The following VPS72 variants were observed in gnomAD, a reference collection of about 807,000 sequenced individuals.
The protein encoded by VPS72 is vacuolar protein sorting-associated protein 72 homolog.
VPS72 carries 27 observed loss-of-function variants against 38.9 expected under a neutral mutation model. The observed-to-expected ratio is 0.69, with a 90% CI of 0.51 to 0.96. The LOEUF (loss-of-function observed/expected upper bound fraction) is 0.96, where lower values mean the gene tolerates loss of function less well. VPS72 is among the 40% of genes least tolerant of loss of function. VPS72 has a pLI of 0.00. For missense variants in VPS72, 360 were observed against 479.5 expected (o/e 0.75, Z 2.33); for synonymous variants, 173 against 186.3 (o/e 0.93, Z 0.58).
rs907898877 is a variant in VPS72, at chr1:151,178,085, G to A, written c.623C>T (p.Pro208Leu). 2 of 1,614,010 alleles carry A rather than the reference G, an allele frequency of 1.2e-6. No homozygotes were observed. The highest frequency in any genetic ancestry group is 1.3e-5 in the African/African-American group (1 of 74,916). Reference protein sequence around the residue: ...KKQVHKKRKCPGPIITYHSVT... With the variant: ...KKQVHKKRKCLGPIITYHSVT... ...TGAATGATAGGTGATTATGGGCCCG[G>A]GGCACTTCCGCTTCTTATGAACCTG... Residue 208 changes from proline to leucine, a missense_variant, in exon 5 of 6, where the codon CCC (proline) becomes CTC (leucine). By Grantham distance (98) the Pro-to-Leu change is moderately conservative. Coordinates refer to ENST00000368892, the MANE Select transcript of VPS72 (RefSeq NM_005997.3).
intron 4 of VPS72, among the ~76,000 whole-genome samples, chr1:151,180,635 A>G (rs1684218753): frequency 1.3e-5 from 2 of 152,024 alleles, no homozygotes; most frequent in Non-Finnish European, 2.9e-5. Flanking sequence ...ACGGGGTTTC[A>G]CCATGTTGAC....
At chr1:151,182,302 T>C (rs1000730423) in intron 4 of VPS72, among the ~76,000 whole-genome samples, 16 of 152,198 alleles carry the variant, frequency 1.1e-4, no homozygotes, top group Admixed American at 8.5e-4. Context: ...GTGCTGGGAT[T>C]ACAGGTGTGA....
Position 151,178,005 on chromosome 1 carries a change from C to T in VPS72, c.703G>A (p.Glu235Lys), listed in dbSNP as rs777509202. Residue 235 changes from glutamate to lysine, a missense_variant, in exon 5 of 6, where the codon GAA becomes AAA. By Grantham distance (56) the Glu-to-Lys change is moderately conservative. This residue lies in a region of VPS72 where 294 missense variants were observed against 356.3 expected (regional missense o/e 0.83). Transcript: ENST00000368892. ...TTCCTCTTGAGATTCACTCACCCTTCTATGTCAACGTTCTCTTCCTTGGGG... is the reference window on the plus strand; with the variant it reads ...TTCCTCTTGAGATTCACTCACCCTTTTATGTCAACGTTCTCTTCCTTGGGG... The part of the protein sequence containing the change: ...PGPKEENVDI[E>K]GLDPAPSVSA... 6.2e-7 allele frequency: 1 copy of T among 1,613,926 alleles called. No homozygotes were observed. Among genetic ancestry groups the T allele is most frequent in the South Asian group, 1.1e-5 (1 of 91,036 alleles).
At chr1:151,188,354 T>C (rs1452833068) in intron 1 of VPS72, among the ~76,000 whole-genome samples, 1 of 152,212 alleles carries the variant, frequency 6.6e-6, no homozygotes, top group Non-Finnish European at 1.5e-5. Context: ...CTGTGGGTTC[T>C]ATTCCTTAAT....
At position 151,183,334 on chromosome 1, in the gene VPS72, G is replaced by A. The variant is rs587767456; in HGVS notation, c.562+983C>T. Reference sequence around the variant, plus strand: ...AGCTACTTGGGAGGCTGAGGCAAGAGAATCTCCAGCTCAGGAGGCGGAGCT... The same window carrying A: ...AGCTACTTGGGAGGCTGAGGCAAGAAAATCTCCAGCTCAGGAGGCGGAGCT... On this transcript the variant is annotated intron_variant, in intron 4 of 5. Transcript: ENST00000368892. Among the ~76,000 whole-genome samples the A allele has an allele frequency of 4.5e-5, 6 of 133,228 alleles. No homozygotes were observed. The South Asian group carries it at 1.5e-3, about 34-fold the overall frequency. The allele number at this position is 133,228 out of a possible 152,430, so 87.4% of individuals were successfully genotyped here.
chr1:151,176,934 T>A lies in VPS72; in HGVS notation c.805A>T (p.Ser269Cys), dbSNP rs1572088987. 6.2e-7 allele frequency: 1 copy of A among 1,613,516 alleles called. No individual in the cohort carries two copies. Among genetic ancestry groups the A allele is most frequent in the Non-Finnish European group, 8.5e-7 (1 of 1,179,658 alleles). The stretch of plus-strand genomic sequence containing the variant: ...CATTCCTCGAAAGTTGCATCATCAC[T>A]AAAAGTGATGAAGGTACGTGAGCAG... The part of the protein sequence containing the change: ...ARCSRTFITF[S>C]DDATFEEWFP... Residue 269 changes from serine to cysteine, a missense_variant, in exon 6 of 6, where the codon AGT becomes TGT. Coordinates refer to ENST00000368892, the MANE Select transcript of VPS72 (RefSeq NM_005997.3).
intron 4 of VPS72, among the ~76,000 whole-genome samples, chr1:151,179,477 T>C (rs1346846700): frequency 3.3e-5 from 5 of 152,080 alleles, no homozygotes; most frequent in African/African-American, 1.2e-4. Context: ...TGAGCACCTG[T>C]AGTCCCAGCT....
rs587658930 is a variant in VPS72, at chr1:151,179,545, G to T, written c.563-1400C>A. ...ACCCAGGAGGCAGAGCTTGCAGTGA[G>T]CTGAGATCGCGCCACTGCACTCCAG... On this transcript the variant is annotated intron_variant, in intron 4 of 5. Transcript: ENST00000368892. 3.9e-5 allele frequency among the ~76,000 whole-genome samples: 6 copies of T among 152,220 alleles called. No homozygotes were observed. The South Asian group carries it at 1.0e-3, about 26-fold the overall frequency.
chr1:151,183,549 C>T (rs1372296183), intron 4 of VPS72, among the ~76,000 whole-genome samples: 3 of 150,760 alleles, frequency 2.0e-5, no homozygotes, highest in Non-Finnish European at 4.4e-5. Flanking sequence ...GCAACTTCCA[C>T]CTCCCAGGTT....
Position 151,185,653 on chromosome 1 carries a change from C to T in VPS72, c.271-33G>A, listed in dbSNP as rs587626728. On this transcript the variant is annotated intron_variant, in intron 2 of 5. Coordinates refer to ENST00000368892, the MANE Select transcript of VPS72 (RefSeq NM_005997.3). ...CAGATTGGAATCAGATACTGGGGAACAGAAGAAGTCAGGAGAAATATGAGG... is the reference window on the plus strand; with the variant it reads ...CAGATTGGAATCAGATACTGGGGAATAGAAGAAGTCAGGAGAAATATGAGG... 1.7e-5 allele frequency: 28 copies of T among 1,611,856 alleles called. No homozygotes were observed. The East Asian group carries it at 5.8e-4, about 33-fold the overall frequency.
chr1:151,176,695 G>C lies in VPS72; in HGVS notation c.1044C>G (p.Pro348=), dbSNP rs752603160. 6.2e-7 allele frequency: 1 copy of C among 1,614,152 alleles called. No homozygotes were observed. The highest frequency in any genetic ancestry group is 8.5e-7 in the Non-Finnish European group (1 of 1,180,022). The change falls in exon 6 of 6, where the codon CCC becomes CCG. Residue 348 remains proline, a synonymous_variant. Transcript: ENST00000368892. ...AGGCTCGGGGCCCAGAGCCAGGGAGGGGCTCAGGAGGTGGCGGGCCGGGGC... is the reference window on the plus strand; with the variant it reads ...AGGCTCGGGGCCCAGAGCCAGGGAGCGGCTCAGGAGGTGGCGGGCCGGGGC... ...ALGPGPPPPE[P]LPGSGPRALR...
At chr1:151,183,421 CAAAAAAAAAAAA>C (rs769884773) in intron 4 of VPS72, among the ~76,000 whole-genome samples, 3 of 50,860 alleles carry the variant, frequency 5.9e-5, no homozygotes, top group Non-Finnish European at 6.9e-5. Flanking sequence ...GACTCTGTCT[CAAAAAAAAAAAA>C]AAAAAAAAAA....
intron 5 of VPS72, 145 bp downstream of exon 5, chr1:151,177,856 G>GA: frequency 1.1e-6 from 1 of 902,778 alleles, no homozygotes; most frequent in South Asian, 1.9e-5. Context: ...AAAAAAAAAA[G>GA]AAAAAGAAAT....
Position 151,178,103 on chromosome 1 carries a change from TGAAC to T in VPS72, c.601_604del (p.Val201IlefsTer10). On this transcript the variant is annotated frameshift_variant, in exon 5 of 6. Transcript: ENST00000368892. LOFTEE classifies it high-confidence loss of function. ...GGGCCCGGGGCACTTCCGCTTCTTA[TGAAC>T]CTGCTTCTTTTTATCAGCCTCGAGC... 6.2e-6 allele frequency: 10 copies of T among 1,614,164 alleles called. No individual in the cohort carries two copies. Among genetic ancestry groups the T allele is most frequent in the Non-Finnish European group, 7.6e-6 (9 of 1,180,038 alleles).
At chr1:151,183,341 C>T (rs905974826) in intron 4 of VPS72, among the ~76,000 whole-genome samples, 3 of 142,344 alleles carry the variant, frequency 2.1e-5, no homozygotes, top group African/African-American at 7.9e-5. Context: ...AGAGAATCTC[C>T]AGCTCAGGAG....
At chr1:151,180,582 C>G (rs1384324171) in intron 4 of VPS72, among the ~76,000 whole-genome samples, 2 of 151,958 alleles carry the variant, frequency 1.3e-5, no homozygotes, top group Non-Finnish European at 2.9e-5. Context: ...GGACTATAGG[C>G]ACGTGCCACC....
At chr1:151,189,980 C>G in intron 1 of VPS72, 25 bp downstream of exon 1, 1 of 1,613,116 alleles carries the variant, frequency 6.2e-7, no homozygotes, top group Non-Finnish European at 8.5e-7. Context: ...CTCCTCCCCT[C>G]CCTTTTCCCA....
chr1:151,183,146 G>A (rs1442533322), intron 4 of VPS72, among the ~76,000 whole-genome samples: 6 of 152,184 alleles, frequency 3.9e-5, no homozygotes, highest in Admixed American at 6.5e-5. Context: ...GGGAATTGCC[G>A]CGGGGTGGCC....
Position 151,184,337 on chromosome 1 carries a change from T to A in VPS72, c.542A>T (p.Glu181Val). Residue 181 changes from glutamate to valine, a missense_variant, in exon 4 of 6, where the codon GAG (glutamate) becomes GTG (valine). Physicochemically the swap from Glu to Val is moderately radical, Grantham distance 121. Coordinates refer to ENST00000368892, the MANE Select transcript of VPS72 (RefSeq NM_005997.3). ...ELLREAKITE[E>V]LNLRSLETYE... ...CTTACCCAGTGACCGTAAATTAAGCTCTTCTGTGATCTTGGCCTCCCGGAG... is the reference window on the plus strand; with the variant it reads ...CTTACCCAGTGACCGTAAATTAAGCACTTCTGTGATCTTGGCCTCCCGGAG... The A allele has an allele frequency of 9.3e-6, 15 of 1,614,020 alleles. No homozygotes were observed. The highest frequency in any genetic ancestry group is 1.3e-5 in the Non-Finnish European group (15 of 1,180,002).
Sources: allele counts gnomAD v4.1 joint callset (sites outside exome capture counted in the v4.1 genomes callset), GRCh38; gene constraint gnomAD v4.1.1; regional missense constraint gnomAD v4.1.1; transcripts MANE v1.5; gene names NCBI Gene and HGNC (gene_info 2026-07-23, HGNC 2026-07-21).